Variants in KLHL24 observed in about 807,000 individuals in gnomAD.
KLHL24 encodes the protein kelch like family member 24, also known as kelch-like protein 24.
Under a neutral mutation model 53.4 loss-of-function variants are expected in KLHL24, and 29 were observed. That is an observed-to-expected ratio of 0.54 (90% CI 0.40 to 0.74). The LOEUF is 0.74. KLHL24 is among the 30% of genes least tolerant of loss of function. The probability of loss-of-function intolerance (pLI) is 0.00; values close to 1 mark genes in which losing one functional copy is unlikely to be tolerated. For synonymous variants in KLHL24, 222 were observed against 253.7 expected (o/e 0.88, Z 1.19); for missense variants, 504 against 744.0 (o/e 0.68, Z 3.75).
Position 183,671,167 on chromosome 3 carries a change from T to C in KLHL24, c.1358T>C (p.Val453Ala). The change falls in exon 6 of 8, where the codon GTA (valine) becomes GCA (alanine). Residue 453 changes from valine (V) to alanine (A), a missense_variant. Physicochemically the swap from Val to Ala is moderately conservative, Grantham distance 64. Coordinates refer to ENST00000242810, the MANE Select transcript of KLHL24 (RefSeq NM_017644.3). ...AVSSPAVTSC[V>A]GKLFVIGGGP... ...AGTTCTCCTGCAGTGACTAGCTGTGTAGGCAAACTGTTTGTGATTGGTGGA... is the reference window on the plus strand; with the variant it reads ...AGTTCTCCTGCAGTGACTAGCTGTGCAGGCAAACTGTTTGTGATTGGTGGA... The C allele has an allele frequency of 6.2e-7, 1 of 1,614,162 alleles. No homozygotes were observed. Among genetic ancestry groups the C allele is most frequent in the Non-Finnish European group, 8.5e-7 (1 of 1,180,008 alleles).
chr3:183,676,060 T>C (rs1277785308), intron 7 of KLHL24, among the ~76,000 whole-genome samples: 1 of 152,162 alleles, frequency 6.6e-6, no homozygotes, highest in African/African-American at 2.4e-5. Flanking sequence ...CAAAGACAAA[T>C]AATTGAAGTT....
At chr3:183,659,398 A>ATTTTTTTT (rs1343930081) in intron 3 of KLHL24, among the ~76,000 whole-genome samples, 1 of 152,158 alleles carries the variant, frequency 6.6e-6, no homozygotes, top group African/African-American at 2.4e-5. Flanking sequence ...TTAGCTGGGC[A>ATTTTTTTT]TGGTGGTGCA....
chr3:183,668,222 A>G (rs1296682866), intron 5 of KLHL24, among the ~76,000 whole-genome samples: 2 of 152,072 alleles, frequency 1.3e-5, no homozygotes, highest in East Asian at 3.9e-4. Flanking sequence ...ACAAAATATT[A>G]CTGGAAAAGA....
chr3:183,678,052 C>T (rs1712205612), intron 7 of KLHL24, among the ~76,000 whole-genome samples: 2 of 152,214 alleles, frequency 1.3e-5, no homozygotes, highest in African/African-American at 4.8e-5. Context: ...CTCGGCCTCC[C>T]AAAGTGCTGG....
rs1028823799 is a variant in KLHL24 at position 183,663,915 on chromosome 3, AC to A, written c.1105+277del. On this transcript the variant is annotated intron_variant, in intron 4 of 7. Transcript: ENST00000242810. This position sits in a 1 kb window ranked among gnomAD's most constrained non-coding sequence, Gnocchi z 4.9. ...AGACCATCCTGGCCAACATGGTGAA[AC>A]CCCATCTCTACTAAAAAATACAAAA... is the stretch of plus-strand genomic sequence containing the variant. Among the ~76,000 whole-genome samples the A allele has an allele frequency of 6.6e-6, 1 of 152,124 alleles. No homozygotes were observed.
chr3:183,650,558 G>C lies in KLHL24; in HGVS notation c.202G>C (p.Val68Leu). 1 of 1,614,052 alleles carries C rather than the reference G, an allele frequency of 6.2e-7. No homozygotes were observed. Among genetic ancestry groups the C allele is most frequent in the Non-Finnish European group, 8.5e-7 (1 of 1,179,946 alleles). The change falls in exon 3 of 8, where the codon GTT becomes CTT. Residue 68 changes from valine to leucine, a missense_variant. Coordinates refer to ENST00000242810, the MANE Select transcript of KLHL24 (RefSeq NM_017644.3). This position sits in a 1 kb window ranked among gnomAD's most constrained non-coding sequence, Gnocchi z 4.5. Reference protein sequence around the residue: ...EFRDSRLFTDVIICVEGKEFP... With the variant: ...EFRDSRLFTDLIICVEGKEFP... Reference sequence around the variant, plus strand: ...TCGTGATAGCCGCTTATTCACAGATGTTATCATTTGTGTGGAAGGAAAAGA... The same window carrying C: ...TCGTGATAGCCGCTTATTCACAGATCTTATCATTTGTGTGGAAGGAAAAGA...
chr3:183,638,955 C>T (rs1359667027), intron 1 of KLHL24, among the ~76,000 whole-genome samples: 4 of 152,170 alleles, frequency 2.6e-5, no homozygotes, highest in Non-Finnish European at 4.4e-5. Flanking sequence ...AATCTCAGTA[C>T]TTTCGGAGGC....
intron 7 of KLHL24, among the ~76,000 whole-genome samples, chr3:183,674,242 A>ATTTTCT (rs1560185580): frequency 1.8e-5 from 2 of 108,638 alleles, no homozygotes; most frequent in South Asian, 3.0e-4. Context: ...TTTAGCATCA[A>ATTTTCT]TTTTCTTTCT....
chr3:183,644,588 C>T (rs1223864502), intron 2 of KLHL24, among the ~76,000 whole-genome samples: 1 of 152,088 alleles, frequency 6.6e-6, no homozygotes, highest in Non-Finnish European at 1.5e-5. Flanking sequence ...CCAGGATTTT[C>T]CATTTTTTAT....
At chr3:183,677,906 C>T (rs998038311) in intron 7 of KLHL24, among the ~76,000 whole-genome samples, 10 of 152,176 alleles carry the variant, frequency 6.6e-5, no homozygotes, top group African/African-American at 2.4e-4. Context: ...ATTCTCCTGC[C>T]TCAGCCTCCC....
At chr3:183,667,465 A>G (rs1720732801) in intron 5 of KLHL24, among the ~76,000 whole-genome samples, 1 of 152,162 alleles carries the variant, frequency 6.6e-6, no homozygotes, top group Non-Finnish European at 1.5e-5. Flanking sequence ...CTGTCAGATC[A>G]GCGCACATTA....
At chr3:183,643,656 A>G (rs1055902176) in intron 2 of KLHL24, 114 bp downstream of exon 2, 2 of 152,324 alleles carry the variant, frequency 1.3e-5, no homozygotes, top group Non-Finnish European at 2.9e-5. Flanking sequence ...GCACAACTCT[A>G]TCCTTAAGAT....
Position 183,647,601 on chromosome 3 carries a change from C to G in KLHL24, c.-61-2695C>G, listed in dbSNP as rs1717478794. Among the ~76,000 whole-genome samples, 3 of 152,146 alleles carry G rather than the reference C, an allele frequency of 2.0e-5. 1 individual carries two copies. In the South Asian group the frequency reaches 6.2e-4, roughly 32 times the overall value. On this transcript the variant is annotated intron_variant, in intron 2 of 7. Transcript: ENST00000242810. ...TGGCGCGTGCCTGTAGTCCCAGCTA[C>G]TTGGGAGGCTGAAGCAGGAGAATCA...
Position 183,644,630 on chromosome 3 carries a change from T to C in KLHL24, c.-62+1088T>C, listed in dbSNP as rs533491539. Among the ~76,000 whole-genome samples the C allele has an allele frequency of 7.4e-4, 112 of 152,186 alleles. 1 individual carries two copies. Among genetic ancestry groups the C allele is most frequent in the Non-Finnish European group, 9.6e-4 (65 of 68,034 alleles). ...AAAGTAGTGGAGAGGAAGACCTCTT[T>C]TGTCAGTGAACAAATCAAGGAGCCA... On this transcript the variant is annotated intron_variant, in intron 2 of 7. Transcript: ENST00000242810.
At chr3:183,660,491 TTTCCATAACATGAGTA>T (rs1719579049) in intron 3 of KLHL24, among the ~76,000 whole-genome samples, 1 of 152,200 alleles carries the variant, frequency 6.6e-6, no homozygotes, top group South Asian at 2.1e-4. Context: ...ATATGGTGTC[TTTCCATAACATGAGTA>T]TTCCATAACC....
intron 7 of KLHL24, among the ~76,000 whole-genome samples, chr3:183,674,185 T>A (rs1010942144): frequency 6.6e-6 from 1 of 152,166 alleles, no homozygotes; most frequent in African/African-American, 2.4e-5. Flanking sequence ...CAAACAAAAA[T>A]ACTCTAATTA....
chr3:183,672,521 T>A, intron 7 of KLHL24, 37 bp downstream of exon 7: 1 of 1,396,342 alleles, frequency 7.2e-7, no homozygotes, highest in Non-Finnish European at 9.9e-7. Context: ...AAAATAAATC[T>A]AAGAGGGACC....
chr3:183,638,924 G>C (rs1183838624), intron 1 of KLHL24, among the ~76,000 whole-genome samples: 2 of 152,216 alleles, frequency 1.3e-5, no homozygotes, highest in African/African-American at 4.8e-5. Context: ...GCTTTGGCTG[G>C]GTGCGGTGGC....
chr3:183,635,881 C>T (rs896091719), intron 1 of KLHL24, 88 bp downstream of exon 1: 1 of 152,518 alleles, frequency 6.6e-6, no homozygotes, highest in African/African-American at 2.4e-5. Flanking sequence ...GGCGGCCGGC[C>T]TCTCAGAGCC....
Sources: allele counts gnomAD v4.1 joint callset (sites outside exome capture counted in the v4.1 genomes callset), GRCh38; gene constraint gnomAD v4.1.1; non-coding constraint Gnocchi (gnomAD v3.1); transcripts MANE v1.5; gene names NCBI Gene and HGNC (gene_info 2026-07-23, HGNC 2026-07-21).